Variants in PKD1L1 observed in about 807,000 individuals in gnomAD.
PKD1L1 encodes polycystin 1 like 1, transient receptor potential channel interacting, also known as polycystin-1-like protein 1.
Under a neutral mutation model 323.4 loss-of-function variants are expected in PKD1L1, and 236 were observed. That is an observed-to-expected ratio of 0.73 (90% CI 0.66 to 0.81). The LOEUF (loss-of-function observed/expected upper bound fraction) is 0.81, where lower values mean the gene tolerates loss of function less well. Ranked by LOEUF, PKD1L1 falls within the 40% of genes least tolerant of loss-of-function variation. The probability of loss-of-function intolerance (pLI) is 0.00; values close to 1 mark genes in which losing one functional copy is unlikely to be tolerated. For synonymous variants in PKD1L1, 1,344 were observed against 1,335.0 expected (o/e 1.01, Z -0.15); for missense variants, 3,320 against 3,508.0 (o/e 0.95, Z 1.35).
intron 1 of PKD1L1, 35 bp downstream of exon 1, chr7:47,948,362 G>C (rs748598371): frequency 6.2e-7 from 1 of 1,612,748 alleles, no homozygotes; most frequent in Non-Finnish European, 8.5e-7. Context: ...TTAAAATCAA[G>C]CTTACCAAAC....
chr7:47,945,691 C>A (rs1029514894), intron 1 of PKD1L1, among the ~76,000 whole-genome samples: 1 of 152,178 alleles, frequency 6.6e-6, no homozygotes, highest in East Asian at 1.9e-4. Context: ...AAGGAAAGGA[C>A]GAACCTAACC....
At chr7:47,856,661 A>C (rs76693647) in intron 28 of PKD1L1, among the ~76,000 whole-genome samples, 3 of 152,198 alleles carry the variant, frequency 2.0e-5, no homozygotes, top group East Asian at 3.8e-4. Flanking sequence ...ACAAGCAGTA[A>C]GTGTTTTTAA....
At chr7:47,827,275 C>G (rs907563857) in intron 45 of PKD1L1, 75 bp downstream of exon 45, 1 of 1,280,474 alleles carries the variant, frequency 7.8e-7, no homozygotes, top group Non-Finnish European at 1.1e-6. Flanking sequence ...CCAGGAGGAC[C>G]AGCGGCAGTG....
intron 42 of PKD1L1, 51 bp downstream of exon 42, chr7:47,831,166 G>A (rs375120594): frequency 1.8e-5 from 29 of 1,571,558 alleles, no homozygotes; most frequent in Middle Eastern, 3.4e-4. Context: ...TTACAAATGC[G>A]AGACTTTCCA....
intron 50 of PKD1L1, among the ~76,000 whole-genome samples, chr7:47,810,063 G>C (rs531314579): frequency 1.3e-5 from 2 of 152,302 alleles, no homozygotes; most frequent in African/African-American, 4.8e-5. Context: ...TCTCTCTCCA[G>C]TGGTGAGTTA....
At chr7:47,906,059 C>A in intron 9 of PKD1L1, 97 bp from the exon 10 acceptor site, 1 of 1,220,130 alleles carries the variant, frequency 8.2e-7, no homozygotes, top group Non-Finnish European at 1.1e-6. Flanking sequence ...TTTAACTTTC[C>A]CCCTTTGAAT....
Position 47,946,715 on chromosome 7 carries a change from G to C in PKD1L1, c.44+1682C>G, listed in dbSNP as rs1014394413. ...ACAGGCCTAACTCCATGAAATGAGG[G>C]CTACAGGAGAGTCAAGAAACCTCTT... is the stretch of plus-strand genomic sequence containing the variant. On this transcript the variant is annotated intron_variant, in intron 1 of 56. Transcript: ENST00000289672. This position sits in a 1 kb window ranked among gnomAD's most constrained non-coding sequence, Gnocchi z 4.1. Among the ~76,000 whole-genome samples, 11 of 152,014 alleles carry C rather than the reference G, an allele frequency of 7.2e-5. No individual in the cohort carries two copies. Among genetic ancestry groups the C allele is most frequent in the Non-Finnish European group, 1.5e-5 (1 of 68,002 alleles).
In PKD1L1 at chr7:47,833,177, G is replaced by T. The variant is rs1273866557; in HGVS notation, c.6250C>A (p.Pro2084Thr). ...CCATGAACCTGCAGCTTAGGGGCTG[G>T]ACAAGCTGTGCCATTGTCACTTGCC... ...KAASDNGTAC[P>T]APKLQVHGAD... The change falls in exon 41 of 57, where the codon CCA becomes ACA. Residue 2084 changes from proline (P) to threonine (T), a missense_variant. Transcript: ENST00000289672. The T allele has an allele frequency of 1.9e-6, 3 of 1,612,744 alleles. No homozygotes were observed. The African/African-American group carries it at 4.0e-5, about 22-fold the overall frequency.
intron 46 of PKD1L1, among the ~76,000 whole-genome samples, chr7:47,817,583 A>C (rs894924484): frequency 6.6e-6 from 1 of 152,182 alleles, no homozygotes; most frequent in Admixed American, 6.6e-5. Context: ...GAAAATTTCC[A>C]TATGGCTGGG....
chr7:47,909,679 C>A (rs930485944), intron 8 of PKD1L1, among the ~76,000 whole-genome samples: 5 of 152,290 alleles, frequency 3.3e-5, no homozygotes, highest in Admixed American at 2.0e-4. Flanking sequence ...TACTGAAGCT[C>A]AAAAGGTTAA....
intron 1 of PKD1L1, among the ~76,000 whole-genome samples, chr7:47,945,832 C>T (rs891839727): frequency 6.6e-6 from 1 of 152,124 alleles, no homozygotes; most frequent in Non-Finnish European, 1.5e-5. Flanking sequence ...AACAGGATAA[C>T]TTCCAAGTGC....
chr7:47,957,858 AAAAAAT>A, the PKD1L1 span, among the ~76,000 whole-genome samples: 123 of 48,164 alleles, frequency 2.6e-3, 9 homozygotes, highest in East Asian at 0.046. Context: ...TACAATTAAA[AAAAAAT>A]ATATATATAT....
At chr7:47,834,301 G>T in intron 40 of PKD1L1, 38 bp downstream of exon 40, 4 of 1,597,806 alleles carry the variant, frequency 2.5e-6, no homozygotes, top group Non-Finnish European at 3.4e-6. Context: ...TGCATTTCAT[G>T]CTAGAAGATT....
intron 1 of PKD1L1, among the ~76,000 whole-genome samples, chr7:47,944,881 A>C (rs1188871642): frequency 1.3e-5 from 2 of 152,214 alleles, no homozygotes; most frequent in Non-Finnish European, 2.9e-5. Flanking sequence ...TCCTGAACTA[A>C]GGTGCGGGTT....
chr7:47,865,069 G>A (rs374189174), intron 26 of PKD1L1, 147 bp downstream of exon 26: 4 of 636,426 alleles, frequency 6.3e-6, no homozygotes, highest in South Asian at 4.4e-5. Flanking sequence ...GATGGGCTTT[G>A]CTATTCAGAT....
intron 44 of PKD1L1, among the ~76,000 whole-genome samples, chr7:47,828,742 A>G (rs1360030089): frequency 6.6e-6 from 1 of 152,194 alleles, no homozygotes; most frequent in Non-Finnish European, 1.5e-5. Flanking sequence ...GAGGCCTCAG[A>G]CAGGTCCTCA....
intron 52 of PKD1L1, among the ~76,000 whole-genome samples, chr7:47,804,651 T>A (rs1028912244): frequency 9.2e-5 from 14 of 151,930 alleles, no homozygotes; most frequent in Non-Finnish European, 1.9e-4. Flanking sequence ...TTATTTTTAT[T>A]TTTTTTGCAT....
chr7:47,943,238 G>C (rs1033677323), intron 2 of PKD1L1, among the ~76,000 whole-genome samples, 158 bp downstream of exon 2: 3 of 149,534 alleles, frequency 2.0e-5, no homozygotes, highest in African/African-American at 7.4e-5. Context: ...TTAAGTTAGA[G>C]GCACTTGCAA....
chr7:47,880,284 A>ATATTTTTTTTT (rs1225214936), intron 21 of PKD1L1, among the ~76,000 whole-genome samples: 1 of 56,818 alleles, frequency 1.8e-5, no homozygotes, highest in Non-Finnish European at 2.8e-5. Context: ...ATATATATAT[A>ATATTTTTTTTT]TTTTTTTTTT....
Sources: gnomAD v4.1 joint callset for allele counts (sites outside exome capture counted in the v4.1 genomes callset) on GRCh38, gnomAD v4.1.1 for gene constraint, Gnocchi (gnomAD v3.1) non-coding constraint, MANE v1.5 for transcripts, NCBI Gene and HGNC (gene_info 2026-07-23, HGNC 2026-07-21) for gene names.